TBCK: variants seen among roughly 807,000 people sequenced by gnomAD.
TBCK encodes the protein TBC1 domain containing kinase, also known as TBC domain-containing protein kinase-like protein.
A neutral mutation model predicts 113.4 loss-of-function variants in TBCK; 99 were observed. The observed-to-expected ratio is 0.87, with a 90% CI of 0.74 to 1.03. The LOEUF (loss-of-function observed/expected upper bound fraction) is 1.03. Ranked by LOEUF, TBCK falls within the 50% of genes least tolerant of loss-of-function variation. TBCK has a pLI of 0.00. For synonymous variants in TBCK, 369 were observed against 370.8 expected, an observed-to-expected ratio of 1.00 and a Z score of 0.05; for missense variants, 1,045 against 1,061.3, an observed-to-expected ratio of 0.98 and a Z score of 0.21.
At chr4:106,121,942 C>T (rs1195919824) in intron 23 of TBCK, among the ~76,000 whole-genome samples, 1 of 152,110 alleles carries the variant, frequency 6.6e-6, no homozygotes, top group Non-Finnish European at 1.5e-5. Context: ...AAAATTCACA[C>T]CCTAACATCA....
Position 106,133,913 on chromosome 4 carries a change from G to A in TBCK, c.2236-17535C>T, listed in dbSNP as rs527978229. ...TAATACCAGCTACTCAGGAGGCTGA[G>A]GCAGGAGAATTGCTTGAACCTGGGA... is the stretch of plus-strand genomic sequence containing the variant. On this transcript the variant is annotated intron_variant, in intron 23 of 25. Coordinates refer to ENST00000394708, the MANE Select transcript of TBCK (RefSeq NM_001163435.3). Among the ~76,000 whole-genome samples, 246 of 152,256 alleles carry A rather than the reference G, an allele frequency of 1.6e-3. 1 individual carries two copies. Among genetic ancestry groups the A allele is most frequent in the African/African-American group, 5.8e-3 (239 of 41,550 alleles).
chr4:106,311,077 C>T (rs556977239), intron 1 of TBCK, among the ~76,000 whole-genome samples: 1 of 151,918 alleles, frequency 6.6e-6, no homozygotes, highest in African/African-American at 2.4e-5. Context: ...AATCTGATAA[C>T]ACATAATGTT....
chr4:106,247,422 A>G (rs1760964885), intron 9 of TBCK, 135 bp from the exon 10 acceptor site: 1 of 775,618 alleles, frequency 1.3e-6, no homozygotes, highest in African/African-American at 1.8e-5. Flanking sequence ...TCTCTTTTGC[A>G]GAGTCTAGAT....
At chr4:106,134,844 G>C (rs1746374404) in intron 23 of TBCK, among the ~76,000 whole-genome samples, 1 of 152,224 alleles carries the variant, frequency 6.6e-6, no homozygotes, top group South Asian at 2.1e-4. Context: ...CAGAGTGGGT[G>C]GTAGGCACCT....
At chr4:106,049,491 T>C (rs1026319703) in intron 25 of TBCK, among the ~76,000 whole-genome samples, 3 of 152,066 alleles carry the variant, frequency 2.0e-5, no homozygotes, top group Non-Finnish European at 4.4e-5. Context: ...TTTGTGGCTA[T>C]AGCTTGACAG....
intron 22 of TBCK, among the ~76,000 whole-genome samples, chr4:106,191,027 T>A (rs1296859638): frequency 2.0e-5 from 3 of 152,352 alleles, no homozygotes; most frequent in Admixed American, 2.0e-4. Context: ...GGGTTCTGCA[T>A]CCATGGATTT....
intron 3 of TBCK, among the ~76,000 whole-genome samples, chr4:106,277,653 T>A (rs1174473828): frequency 3.9e-5 from 6 of 152,056 alleles, no homozygotes; most frequent in Non-Finnish European, 7.4e-5. Context: ...TAACCCACGA[T>A]TAAAAAATCA....
At chr4:106,254,302 G>T (rs1265191120) in intron 5 of TBCK, among the ~76,000 whole-genome samples, 2 of 152,200 alleles carry the variant, frequency 1.3e-5, no homozygotes, top group Non-Finnish European at 2.9e-5. Flanking sequence ...CATCCATGGG[G>T]ACATTTCTGC....
At chr4:106,216,104 TC>T (rs1356336580) in intron 19 of TBCK, among the ~76,000 whole-genome samples, 2 of 152,162 alleles carry the variant, frequency 1.3e-5, no homozygotes, top group East Asian at 3.9e-4. Flanking sequence ...AACAACCTCC[TC>T]CTGAATGACT....
chr4:106,121,826 C>A (rs1301731901), intron 23 of TBCK, among the ~76,000 whole-genome samples: 2 of 151,900 alleles, frequency 1.3e-5, no homozygotes, highest in African/African-American at 2.4e-5. Flanking sequence ...TTGAAACCAA[C>A]GAGAACAAAG....
intron 25 of TBCK, among the ~76,000 whole-genome samples, chr4:106,051,354 G>T (rs1185076918): frequency 6.6e-6 from 1 of 151,824 alleles, no homozygotes; most frequent in African/African-American, 2.4e-5. Flanking sequence ...TGGACAATTG[G>T]CATGGACTAA....
At chr4:106,288,338 G>A (rs957131463) in intron 3 of TBCK, among the ~76,000 whole-genome samples, 5 of 151,916 alleles carry the variant, frequency 3.3e-5, no homozygotes, top group Non-Finnish European at 7.4e-5. Flanking sequence ...AGCTTGCAGT[G>A]AGCTGAGATC....
At chr4:106,250,790 T>G (rs890161219) in intron 6 of TBCK, among the ~76,000 whole-genome samples, 5 of 152,112 alleles carry the variant, frequency 3.3e-5, no homozygotes, top group Non-Finnish European at 7.4e-5. Flanking sequence ...CCAGGCCATA[T>G]GGAGTCTTAC....
rs113305499 is a variant in TBCK at position 106,080,030 on chromosome 4, C to A, written c.2571+15452G>T. On this transcript the variant is annotated intron_variant, in intron 25 of 25. Coordinates refer to ENST00000394708, the MANE Select transcript of TBCK (RefSeq NM_001163435.3). ...CCACCAGGCCCCTCCTCTAACAATT[C>A]GACATGAGATTTGGCTGGGAACACA... Among the ~76,000 whole-genome samples, 398 of 152,260 alleles carry A rather than the reference C, an allele frequency of 2.6e-3. 2 individuals carry two copies. Among genetic ancestry groups the A allele is most frequent in the African/African-American group, 9.1e-3 (377 of 41,564 alleles).
chr4:106,272,913 C>T (rs887746326), intron 3 of TBCK, among the ~76,000 whole-genome samples: 1 of 152,100 alleles, frequency 6.6e-6, no homozygotes, highest in Non-Finnish European at 1.5e-5. Flanking sequence ...ATTTAAATCC[C>T]AATTATGGGT....
At chr4:106,294,847 T>C (rs1766115572) in intron 3 of TBCK, among the ~76,000 whole-genome samples, 1 of 152,116 alleles carries the variant, frequency 6.6e-6, no homozygotes, top group African/African-American at 2.4e-5. Context: ...TTTTCATATA[T>C]CCCCTTTTGA....
At chr4:106,121,346 C>A (rs1250477304) in intron 23 of TBCK, among the ~76,000 whole-genome samples, 2 of 147,550 alleles carry the variant, frequency 1.4e-5, no homozygotes, top group Non-Finnish European at 3.0e-5. Flanking sequence ...TATATGCACC[C>A]AATACAGGAG....
intron 23 of TBCK, among the ~76,000 whole-genome samples, chr4:106,169,446 G>T (rs1385941991): frequency 6.6e-6 from 1 of 152,064 alleles, no homozygotes; most frequent in Admixed American, 6.6e-5. Context: ...GGAAAAGTCA[G>T]TCTTTTTAAC....
chr4:106,220,689 G>A (rs137890424), intron 19 of TBCK, among the ~76,000 whole-genome samples: 18 of 151,818 alleles, frequency 1.2e-4, no homozygotes, highest in East Asian at 3.9e-4. Flanking sequence ...CATTCTATCC[G>A]TCCATTGTCT....
Sources: allele counts gnomAD v4.1 joint callset (sites outside exome capture counted in the v4.1 genomes callset), GRCh38; gene constraint gnomAD v4.1.1; transcripts MANE v1.5; gene names NCBI Gene and HGNC (gene_info 2026-07-23, HGNC 2026-07-21).